The following FAM83E variants were observed in gnomAD, a reference collection of about 807,000 sequenced individuals.
The protein encoded by FAM83E is scaffolding CK1 anchoring protein E.
Under a neutral mutation model 34.3 loss-of-function variants are expected in FAM83E, and 29 were observed. That is an observed-to-expected ratio of 0.85 (90% CI 0.63 to 1.15). FAM83E has a LOEUF of 1.15. FAM83E is among the 50% of genes most tolerant of loss of function. The probability of loss-of-function intolerance (pLI) is 0.00; values close to 1 mark genes in which losing one functional copy is unlikely to be tolerated. For missense variants in FAM83E, 697 were observed against 685.0 expected (o/e 1.02, Z -0.20); for synonymous variants, 312 against 311.6 (o/e 1.00, Z -0.01).
intron 6 of FAM83E, among the ~76,000 whole-genome samples, chr19:48,603,288 C>T (rs1318000926): frequency 6.6e-6 from 1 of 152,194 alleles, no homozygotes; most frequent in Non-Finnish European, 1.5e-5. Context: ...GTCTCTGCCC[C>T]ATGCCACCCA....
At chr19:48,609,058 G>A (rs1305310816) in intron 5 of FAM83E, among the ~76,000 whole-genome samples, 2 of 151,964 alleles carry the variant, frequency 1.3e-5, no homozygotes, top group African/African-American at 4.8e-5. Context: ...TGGTTCTAGA[G>A]GCTCTAACCC....
rs766117315 is a variant in FAM83E at position 48,613,219 on chromosome 19, G to T, written c.154C>A (p.Arg52Ser). 8 of 1,610,840 alleles carry T rather than the reference G, an allele frequency of 5.0e-6. No homozygotes were observed. The highest frequency in any genetic ancestry group is 5.9e-6 in the Non-Finnish European group (7 of 1,179,920). The change falls in exon 3 of 7, where the codon CGC becomes AGC. Residue 52 changes from arginine to serine, a missense_variant. Arg to Ser is a moderately radical substitution (Grantham distance 110). Transcript: ENST00000263266. The part of the protein sequence containing the change: ...GAEAFQTCVQ[R>S]EELWPFLSAD... ...CTGAGGAAGGGCCACAGCTCCTCGC[G>T]CTGCACGCAGGTCTGGAACGCCTCC...
chr19:48,605,139 G>A (rs766656352), intron 5 of FAM83E, among the ~76,000 whole-genome samples: 5 of 152,056 alleles, frequency 3.3e-5, no homozygotes, highest in Non-Finnish European at 5.9e-5. Context: ...GGAAAGAGAC[G>A]GAATTCACTT....
At chr19:48,603,982 G>T (rs1028911544) in intron 5 of FAM83E, 71 bp from the exon 6 acceptor site, 7 of 1,496,470 alleles carry the variant, frequency 4.7e-6, no homozygotes, top group Non-Finnish European at 6.3e-6. Context: ...TCCTCAGCCA[G>T]GTCCCAGGGG....
intron 5 of FAM83E, among the ~76,000 whole-genome samples, chr19:48,608,437 C>CTTTTTTTTTTTTTTTTT: frequency 7.7e-6 from 1 of 130,074 alleles, no homozygotes; most frequent in Non-Finnish European, 1.6e-5. Context: ...TTTTCTTTTC[C>CTTTTTTTTTTTTTTTTT]TTTTTTTTTT....
Position 48,614,768 on chromosome 19 carries a change from G to A in FAM83E, c.-1316C>T, listed in dbSNP as rs1055027081. 1.1e-4 allele frequency: 109 copies of A among 983,604 alleles called. No homozygotes were observed. In the Middle Eastern group the frequency reaches 1.5e-3, roughly 14 times the overall value. The allele number at this position is 983,604 out of a possible 1,614,324, so 60.9% of individuals were successfully genotyped here. On this transcript the variant is annotated 5_prime_UTR_variant, in exon 2 of 7. In the 5' UTR this introduces an upstream ATG that the reference lacks. Transcript: ENST00000263266. ...TCCAGTGCCTGCTTTTTCCGAGAAC[G>A]TAGGCTGTGGCTCCCCGGCTTCTAC...
intron 6 of FAM83E, among the ~76,000 whole-genome samples, chr19:48,602,313 GGCA>G (rs1877651158): frequency 6.6e-6 from 1 of 151,068 alleles, no homozygotes; most frequent in Admixed American, 6.6e-5. Flanking sequence ...GAGGCAGGAA[GGCA>G]GCAGCAGGAG....
intron 5 of FAM83E, chr19:48,606,821 G>A: frequency 1.1e-6 from 1 of 870,046 alleles, no homozygotes; most frequent in Non-Finnish European, 1.7e-6. Flanking sequence ...CAGGGCGTTG[G>A]GAACAGAGGA....
At position 48,614,846 on chromosome 19, in the gene FAM83E, T is replaced by C; in HGVS notation, c.-1387-7A>G. 1 of 971,448 alleles carries C rather than the reference T, an allele frequency of 1.0e-6. No homozygotes were observed. Among genetic ancestry groups the C allele is most frequent in the South Asian group, 4.8e-5 (1 of 21,010 alleles). The allele number at this position is 971,448 out of a possible 1,614,324, so 60.2% of individuals were successfully genotyped here. A position where few individuals can be genotyped will look rare whatever the true frequency, so the allele number is the denominator to read the frequency against. On this transcript the variant is annotated splice_region_variant and splice_polypyrimidine_tract_variant and intron_variant, in intron 1 of 6. Transcript: ENST00000263266. ...TCACTCATCAGGCCTCGACCTGGAA[T>C]CCAGGGAGCCCGGCCCCTTGTGTAA...
intron 6 of FAM83E, 36 bp downstream of exon 6, chr19:48,603,458 G>T (rs755213573): frequency 2.2e-5 from 33 of 1,501,146 alleles, no homozygotes; most frequent in Admixed American, 2.2e-5. Context: ...TCCCCTTCCT[G>T]GGCTCCATCT....
intron 5 of FAM83E, chr19:48,607,793 C>G (rs1409513715): frequency 1.3e-5 from 2 of 157,648 alleles, no homozygotes; most frequent in African/African-American, 4.9e-5. Context: ...CTATGTTGCC[C>G]AGGGTGGTCT....
chr19:48,605,252 T>C (rs1020504043), intron 5 of FAM83E, among the ~76,000 whole-genome samples: 16 of 151,984 alleles, frequency 1.1e-4, no homozygotes, highest in African/African-American at 3.9e-4. Flanking sequence ...TGCTGCTCCC[T>C]GCAGTGCTCA....
chr19:48,610,560 C>T (rs1008634852), intron 4 of FAM83E, 120 bp downstream of exon 4: 2 of 1,237,396 alleles, frequency 1.6e-6, no homozygotes, highest in Non-Finnish European at 1.1e-6. Flanking sequence ...CATCAGATCC[C>T]AGGGGACCAT....
intron 6 of FAM83E, among the ~76,000 whole-genome samples, chr19:48,603,074 G>C (rs1329403873): frequency 6.6e-6 from 1 of 151,382 alleles, no homozygotes; most frequent in Non-Finnish European, 1.5e-5. Flanking sequence ...GGCTGGTCTC[G>C]ATCTCCCTGT....
Position 48,610,398 on chromosome 19 carries a change from C to CAAAA in FAM83E, c.633+278_633+281dup, listed in dbSNP as rs71179016. Among the ~76,000 whole-genome samples, 125 of 31,348 alleles carry CAAAA rather than the reference C, an allele frequency of 4.0e-3. 12 individuals are homozygous for CAAAA. In the East Asian group the frequency reaches 0.042, roughly 10 times the overall value. The allele number at this position is 31,348 out of a possible 152,430, so 20.6% of individuals were successfully genotyped here. On this transcript the variant is annotated intron_variant, in intron 4 of 6. Transcript: ENST00000263266. ...TGGGCGACAAAGCAACACTCCGTCT[C>CAAAA]AAAAAAAAAAAAAAAAAAAAAAAAA...
intron 5 of FAM83E, among the ~76,000 whole-genome samples, chr19:48,605,709 C>A (rs970523386): frequency 1.3e-5 from 2 of 151,816 alleles, no homozygotes; most frequent in African/African-American, 2.4e-5. Context: ...CACCACCATG[C>A]CCAGCAAATT....
intron 5 of FAM83E, chr19:48,606,929 C>A (rs1386112311): frequency 6.3e-7 from 1 of 1,582,342 alleles, no homozygotes; most frequent in Non-Finnish European, 8.5e-7. Context: ...TCCGGGAGGT[C>A]TGGGAAGCCC....
Position 48,613,763 on chromosome 19 carries a change from T to TCCAACCCA in FAM83E, c.-399_-392dup. On this transcript the variant is annotated 5_prime_UTR_variant, in exon 3 of 7. Coordinates refer to ENST00000263266, the MANE Select transcript of FAM83E (RefSeq NM_017708.4). ...ATCTCTGCTCAGCCACACGACAGCCTCCAACCCACCAGTCACACAGTGCCC... is the reference window on the plus strand; with the variant it reads ...ATCTCTGCTCAGCCACACGACAGCCTCCAACCCACCAACCCACCAGTCACACAGTGCCC... 3.0e-6 allele frequency: 3 copies of TCCAACCCA among 985,334 alleles called. No individual in the cohort carries two copies. The highest frequency in any genetic ancestry group is 3.6e-6 in the Non-Finnish European group (3 of 829,906). The allele number at this position is 985,334 out of a possible 1,614,324, so 61.0% of individuals were successfully genotyped here.
chr19:48,600,429 G>T lies in FAM83E; in HGVS notation c.*680C>A, dbSNP rs111903110. ...CAGCTCACTGCAACCTCCGCCTCCC[G>T]GGTTCAAGCAATTCTCCCGTCTCAG... On this transcript the variant is annotated 3_prime_UTR_variant, in exon 7 of 7. Coordinates refer to ENST00000263266, the MANE Select transcript of FAM83E (RefSeq NM_017708.4). Among the ~76,000 whole-genome samples, 10 of 152,108 alleles carry T rather than the reference G, an allele frequency of 6.6e-5. No homozygotes were observed. The highest frequency in any genetic ancestry group is 1.2e-4 in the Non-Finnish European group (8 of 68,010).
Sources: gnomAD v4.1 joint callset for allele counts (sites outside exome capture counted in the v4.1 genomes callset) on GRCh38, gnomAD v4.1.1 for gene constraint, MANE v1.5 for transcripts, NCBI Gene and HGNC (gene_info 2026-07-23, HGNC 2026-07-21) for gene names.